The following GRIN2A variants were observed in gnomAD, a reference collection of about 807,000 sequenced individuals.
GRIN2A encodes the protein glutamate receptor ionotropic, NMDA 2A.
In GRIN2A, 22 loss-of-function variants were observed where a neutral mutation model predicts 113.4. The ratio of observed to expected loss-of-function variants is 0.19; its 90% CI spans 0.14 to 0.28. The LOEUF (loss-of-function observed/expected upper bound fraction) is 0.28, where lower values mean the gene tolerates loss of function less well. Among genes scored for constraint, GRIN2A ranks in the 10% least tolerant of loss-of-function variants. GRIN2A has a pLI of 1.00. For missense variants in GRIN2A, 1,502 were observed against 1,887.0 expected, an observed-to-expected ratio of 0.80 and a Z score of 3.78; for synonymous variants, 827 against 738.4, an observed-to-expected ratio of 1.12 and a Z score of -1.94.
intron 8 of GRIN2A, among the ~76,000 whole-genome samples, chr16:9,833,633 G>A (rs2042536158): frequency 6.6e-6 from 1 of 152,184 alleles, no homozygotes; most frequent in Non-Finnish European, 1.5e-5. Context: ...TCCATCAGTT[G>A]AAGTACATAA....
intron 10 of GRIN2A, among the ~76,000 whole-genome samples, chr16:9,801,820 A>C (rs1421282352): frequency 6.6e-6 from 1 of 152,198 alleles, no homozygotes; most frequent in East Asian, 1.9e-4. Context: ...CCAGCCCTCC[A>C]TGGCCTGACT....
At chr16:10,111,935 T>A (rs2048622966) in intron 2 of GRIN2A, 2 of 749,538 alleles carry the variant, frequency 2.7e-6, no homozygotes, top group East Asian at 2.5e-5. Flanking sequence ...AGGATCAAGC[T>A]GATGGTGGCT....
At chr16:9,944,956 A>G (rs905784465) in intron 2 of GRIN2A, among the ~76,000 whole-genome samples, 4 of 152,176 alleles carry the variant, frequency 2.6e-5, no homozygotes, top group African/African-American at 7.2e-5. Flanking sequence ...GGAGGCTACC[A>G]AAGTGAAGGA....
chr16:10,087,892 C>T (rs1228609159), intron 2 of GRIN2A, among the ~76,000 whole-genome samples: 1 of 35,416 alleles, frequency 2.8e-5, no homozygotes. Flanking sequence ...GGTTTCACCA[C>T]GTTGCCCAGG....
At chr16:9,972,123 T>C (rs760124651) in intron 2 of GRIN2A, among the ~76,000 whole-genome samples, 4 of 152,164 alleles carry the variant, frequency 2.6e-5, no homozygotes. Context: ...TGCCCAAGCC[T>C]CTGGCCAGTC....
At chr16:10,024,950 T>G (rs1407048382) in intron 2 of GRIN2A, among the ~76,000 whole-genome samples, 1 of 151,750 alleles carries the variant, frequency 6.6e-6, no homozygotes, top group African/African-American at 2.4e-5. Flanking sequence ...AAAATTTAAA[T>G]GAATTTTTTA....
chr16:9,977,235 T>C (rs890310218), intron 2 of GRIN2A, among the ~76,000 whole-genome samples: 8 of 144,536 alleles, frequency 5.5e-5, no homozygotes, highest in Non-Finnish European at 1.0e-4. Flanking sequence ...AAGGCTGCAG[T>C]GAGCCATGAC....
Position 9,988,276 on chromosome 16 carries a change from T to TGCGTGTGC in GRIN2A, c.415-49726_415-49725insGCACACGC, listed in dbSNP as rs370979484. On this transcript the variant is annotated intron_variant, in intron 2 of 12. Coordinates refer to ENST00000330684, the MANE Select transcript of GRIN2A (RefSeq NM_001134407.3). ...GGAAAGAGATCCATAGGGGTGTGTG[T>TGCGTGTGC]GTGTGTGCGTGTGTGTGTGTGTGTG... Among the ~76,000 whole-genome samples the TGCGTGTGC allele has an allele frequency of 3.6e-5, 5 of 139,096 alleles. No individual in the cohort carries two copies. The East Asian group carries it at 1.1e-3, about 32-fold the overall frequency. The allele number at this position is 139,096 out of a possible 152,430, so 91.3% of individuals were successfully genotyped here. A position where few individuals can be genotyped will look rare whatever the true frequency, so the allele number is the denominator to read the frequency against.
At chr16:10,013,695 A>G (rs1389617278) in intron 2 of GRIN2A, among the ~76,000 whole-genome samples, 1 of 152,252 alleles carries the variant, frequency 6.6e-6, no homozygotes, top group African/African-American at 2.4e-5. Flanking sequence ...GAGCAAGGAC[A>G]GCGAAACCAT....
At chr16:9,879,989 G>T (rs569039902) in intron 4 of GRIN2A, among the ~76,000 whole-genome samples, 1 of 152,136 alleles carries the variant, frequency 6.6e-6, no homozygotes, top group Non-Finnish European at 1.5e-5. Context: ...GTACTAGTCT[G>T]TTGTTGTGTA....
intron 11 of GRIN2A, among the ~76,000 whole-genome samples, chr16:9,794,334 C>T (rs1902828011): frequency 6.6e-6 from 1 of 152,204 alleles, no homozygotes; most frequent in Admixed American, 6.5e-5. Context: ...TCATTAGACT[C>T]ATAATCGTCC....
At chr16:10,002,518 T>C (rs1165174626) in intron 2 of GRIN2A, among the ~76,000 whole-genome samples, 1 of 152,128 alleles carries the variant, frequency 6.6e-6, no homozygotes, top group Admixed American at 6.5e-5. Flanking sequence ...GTCAGTGTAG[T>C]CATCTATAGG....
intron 2 of GRIN2A, among the ~76,000 whole-genome samples, chr16:9,955,383 T>G (rs2045280860): frequency 1.3e-5 from 2 of 152,170 alleles, no homozygotes; most frequent in Admixed American, 1.3e-4. Context: ...CTTCCTTCAT[T>G]CATTTCTAGA....
At chr16:9,827,386 AG>A (rs1374036787) in intron 9 of GRIN2A, among the ~76,000 whole-genome samples, 11 of 152,210 alleles carry the variant, frequency 7.2e-5, no homozygotes, top group African/African-American at 2.7e-4. Flanking sequence ...GAAGGGTTCC[AG>A]GAGAAGTCAG....
chr16:9,862,596 T>A (rs1246939105), intron 4 of GRIN2A, among the ~76,000 whole-genome samples: 2 of 152,198 alleles, frequency 1.3e-5, no homozygotes, highest in East Asian at 3.9e-4. Context: ...TGTATAATCT[T>A]CAGTCCTCCA....
At chr16:9,816,824 G>T (rs1274008322) in intron 10 of GRIN2A, among the ~76,000 whole-genome samples, 1 of 152,094 alleles carries the variant, frequency 6.6e-6, no homozygotes, top group African/African-American at 2.4e-5. Flanking sequence ...GGCTCAGTGG[G>T]GCTCAGCAAT....
chr16:9,917,763 G>C (rs1193431160), intron 3 of GRIN2A, among the ~76,000 whole-genome samples: 1 of 152,160 alleles, frequency 6.6e-6, no homozygotes, highest in Non-Finnish European at 1.5e-5. Context: ...TAAGGACCAA[G>C]TTTACACCAG....
At chr16:9,874,479 T>C (rs1026105070) in intron 4 of GRIN2A, among the ~76,000 whole-genome samples, 9 of 152,170 alleles carry the variant, frequency 5.9e-5, no homozygotes, top group South Asian at 2.1e-4. Flanking sequence ...CTTGTACCTG[T>C]AATAGTCCTT....
intron 10 of GRIN2A, among the ~76,000 whole-genome samples, 188 bp from the exon 11 acceptor site, chr16:9,798,652 C>G (rs1903155075): frequency 1.3e-5 from 2 of 152,330 alleles, no homozygotes; most frequent in East Asian, 1.9e-4. Flanking sequence ...AGAACCTTTT[C>G]TCTCCAACTT....
Sources: gnomAD v4.1 joint callset for allele counts (sites outside exome capture counted in the v4.1 genomes callset) on GRCh38, gnomAD v4.1.1 for gene constraint, MANE v1.5 for transcripts, NCBI Gene and HGNC (gene_info 2026-07-23, HGNC 2026-07-21) for gene names.